The following TMTC2 variants were observed in gnomAD, a reference collection of about 807,000 sequenced individuals.
TMTC2 encodes protein O-mannosyl-transferase TMTC2.
A neutral mutation model predicts 82.4 loss-of-function variants in TMTC2; 43 were observed. The ratio of observed to expected loss-of-function variants is 0.52; its 90% CI spans 0.41 to 0.67. TMTC2 has a LOEUF of 0.67. Ranked by LOEUF, TMTC2 falls within the 30% of genes least tolerant of loss-of-function variation. The pLI is 0.00. For synonymous variants in TMTC2, 408 were observed against 381.9 expected (o/e 1.07, Z -0.80); for missense variants, 919 against 1,012.4 (o/e 0.91, Z 1.25).
At chr12:82,788,382 TG>T (rs1878289572) in intron 1 of TMTC2, among the ~76,000 whole-genome samples, 1 of 152,126 alleles carries the variant, frequency 6.6e-6, no homozygotes, top group Non-Finnish European at 1.5e-5. Context: ...CTAGTGAAGT[TG>T]AATTTAGATG....
intron 1 of TMTC2, among the ~76,000 whole-genome samples, chr12:82,696,964 G>GTGTA (rs374532592): frequency 1.4e-5 from 2 of 141,514 alleles, no homozygotes; most frequent in African/African-American, 5.3e-5. Flanking sequence ...ACATACATAC[G>GTGTA]TATATATATA....
At position 82,824,487 on chromosome 12, in the gene TMTC2, AGAAAT is replaced by A. The variant is rs1490196188; in HGVS notation, c.84-32516_84-32512del. Among the ~76,000 whole-genome samples, 8 of 152,246 alleles carry A rather than the reference AGAAAT, an allele frequency of 5.3e-5. No homozygotes were observed. The East Asian group carries it at 1.3e-3, about 26-fold the overall frequency. On this transcript the variant is annotated intron_variant, in intron 1 of 11. Transcript: ENST00000321196. ...TCAGTAAAAATGTGTTTCAATAAAT[AGAAAT>A]GAAATGCAATTTAGGCTGTTCTGAT...
chr12:83,037,866 C>T lies in TMTC2; in HGVS notation c.2152+6987C>T, dbSNP rs185145851. ...GTAATATGATAAAAAGACAATAAAC[C>T]GTTAAAGAATAATTTCTTTAAAGGC... On this transcript the variant is annotated intron_variant, in intron 9 of 11. Transcript: ENST00000321196. Among the ~76,000 whole-genome samples the T allele has an allele frequency of 1.7e-3, 257 of 151,752 alleles. 1 individual carries two copies. The highest frequency in any genetic ancestry group is 6.0e-3 in the African/African-American group (248 of 41,368).
At chr12:83,100,106 G>C (rs945839380) in intron 11 of TMTC2, among the ~76,000 whole-genome samples, 2 of 151,938 alleles carry the variant, frequency 1.3e-5, no homozygotes, top group African/African-American at 4.8e-5. Context: ...TTTTAGTAAA[G>C]ATGGGGTTTC....
intron 1 of TMTC2, chr12:82,690,529 G>T: frequency 4.1e-6 from 2 of 489,468 alleles, no homozygotes; most frequent in African/African-American, 2.1e-5. Flanking sequence ...GAAATTAAAT[G>T]GTAACATGAA....
chr12:83,111,764 T>C (rs2137546943), intron 11 of TMTC2, among the ~76,000 whole-genome samples: 1 of 152,016 alleles, frequency 6.6e-6, no homozygotes, highest in South Asian at 2.1e-4. Flanking sequence ...AATGAATGAG[T>C]GAGTGAATAA....
chr12:82,763,696 T>C (rs1876780854), intron 1 of TMTC2, among the ~76,000 whole-genome samples: 1 of 152,112 alleles, frequency 6.6e-6, no homozygotes, highest in Non-Finnish European at 1.5e-5. Flanking sequence ...AAACGTGACT[T>C]AAGAAGGAAA....
At chr12:82,950,475 A>G (rs966791171) in intron 4 of TMTC2, among the ~76,000 whole-genome samples, 1 of 152,218 alleles carries the variant, frequency 6.6e-6, no homozygotes. Context: ...AGATCCAACA[A>G]TAACAACTAG....
chr12:83,105,019 T>C (rs1037925180), intron 11 of TMTC2, among the ~76,000 whole-genome samples: 2 of 152,164 alleles, frequency 1.3e-5, no homozygotes, highest in Admixed American at 6.5e-5. Context: ...TAGGTCATCA[T>C]TCTGAAGTTC....
At chr12:82,909,222 G>A (rs1874491040) in intron 3 of TMTC2, among the ~76,000 whole-genome samples, 1 of 152,108 alleles carries the variant, frequency 6.6e-6, no homozygotes, top group Admixed American at 6.6e-5. Flanking sequence ...GTGACCTCCT[G>A]CATGAAGTTC....
intron 3 of TMTC2, among the ~76,000 whole-genome samples, chr12:82,908,094 C>T (rs1874423692): frequency 6.6e-6 from 1 of 152,070 alleles, no homozygotes; most frequent in Non-Finnish European, 1.5e-5. Context: ...GCGAGATTCC[C>T]TCTCAAAACA....
chr12:82,826,009 T>C (rs888098379), intron 1 of TMTC2, among the ~76,000 whole-genome samples: 55 of 152,210 alleles, frequency 3.6e-4, no homozygotes, highest in Admixed American at 3.6e-3. Context: ...ATGATGGTTG[T>C]AGTAAATTAA....
chr12:83,119,486 A>G (rs984179238), intron 11 of TMTC2, among the ~76,000 whole-genome samples: 15 of 152,158 alleles, frequency 9.9e-5, no homozygotes, highest in Admixed American at 9.8e-4. Flanking sequence ...TTCCAGTTCT[A>G]TTCCACTGTG....
intron 9 of TMTC2, among the ~76,000 whole-genome samples, chr12:83,044,165 T>G (rs941949566): frequency 6.6e-6 from 1 of 152,204 alleles, no homozygotes; most frequent in African/African-American, 2.4e-5. Flanking sequence ...TGATAAATGC[T>G]GGATAGGTTC....
At chr12:82,795,328 AAG>A (rs1592528103) in intron 1 of TMTC2, among the ~76,000 whole-genome samples, 4 of 151,264 alleles carry the variant, frequency 2.6e-5, no homozygotes, top group East Asian at 3.9e-4. Flanking sequence ...AAAAAAAAAA[AAG>A]AAGTTAAAAA....
At chr12:82,714,860 A>G (rs1044583466) in intron 1 of TMTC2, among the ~76,000 whole-genome samples, 5 of 152,164 alleles carry the variant, frequency 3.3e-5, no homozygotes, top group Non-Finnish European at 7.4e-5. Flanking sequence ...TTTTTGGCTC[A>G]TGGGACTTGA....
At chr12:82,766,815 G>A (rs770325205) in intron 1 of TMTC2, among the ~76,000 whole-genome samples, 1 of 148,774 alleles carries the variant, frequency 6.7e-6, no homozygotes, top group Non-Finnish European at 1.5e-5. Context: ...ATTTTGAGAC[G>A]GAGTCTCGCT....
At chr12:82,824,749 G>A (rs1869311507) in intron 1 of TMTC2, among the ~76,000 whole-genome samples, 1 of 152,078 alleles carries the variant, frequency 6.6e-6, no homozygotes, top group Non-Finnish European at 1.5e-5. Flanking sequence ...TAAGTAAGGG[G>A]GAGGCTAATT....
chr12:83,012,453 C>T (rs1191451737), intron 8 of TMTC2, among the ~76,000 whole-genome samples: 2 of 152,058 alleles, frequency 1.3e-5, no homozygotes, highest in East Asian at 3.8e-4. Flanking sequence ...CAGAAGTCCT[C>T]AGCATTAAGA....
Sources: gnomAD v4.1 joint callset for allele counts (sites outside exome capture counted in the v4.1 genomes callset) on GRCh38, gnomAD v4.1.1 for gene constraint, MANE v1.5 for transcripts, NCBI Gene and HGNC (gene_info 2026-07-23, HGNC 2026-07-21) for gene names.